The following DMXL1 variants were observed in gnomAD, a reference collection of about 807,000 sequenced individuals.
The protein encoded by DMXL1 is dmX-like protein 1.
A neutral mutation model predicts 319.2 loss-of-function variants in DMXL1; 99 were observed. The ratio of observed to expected loss-of-function variants is 0.31; its 90% CI spans 0.26 to 0.37. The LOEUF is 0.37. Ranked by LOEUF, DMXL1 falls within the 10% of genes least tolerant of loss-of-function variation. The pLI is 1.00. For missense variants in DMXL1, 3,745 were observed against 3,595.6 expected (o/e 1.04, Z -1.06); for synonymous variants, 1,385 against 1,235.2 (o/e 1.12, Z -2.54).
intron 25 of DMXL1, among the ~76,000 whole-genome samples, chr5:119,173,708 ATG>A (rs768405136): frequency 1.9e-4 from 23 of 123,292 alleles, no homozygotes; most frequent in East Asian, 9.5e-4. Flanking sequence ...GTATATATAT[ATG>A]TGTGTGTGTA....
Position 119,165,245 on chromosome 5 carries a change from A to C in DMXL1, c.4935A>C (p.Ala1645=). Residue 1645 remains alanine, a synonymous_variant, in exon 21 of 44, where the codon GCA becomes GCC. Coordinates refer to ENST00000539542, the MANE Select transcript of DMXL1 (RefSeq NM_001290321.3). ...TAGATGCTGCCATTTTTTACCTTGC[A>C]ATGAAAAAGAAAGCTGTGATTTGGG... ...DPLDAAIFYL[A]MKKKAVIWGL... is the part of the protein sequence containing the mutation. 1 of 1,604,918 alleles carries C rather than the reference A, an allele frequency of 6.2e-7. No individual in the cohort carries two copies. The highest frequency in any genetic ancestry group is 8.5e-7 in the Non-Finnish European group (1 of 1,176,008).
chr5:119,116,819 GTTAATACCCTACC>G (rs1440223631), intron 7 of DMXL1, among the ~76,000 whole-genome samples: 1 of 152,028 alleles, frequency 6.6e-6, no homozygotes, highest in Non-Finnish European at 1.5e-5. Context: ...GAGAGAGTAG[GTTAATACCCTACC>G]TTATTCTTCT....
At chr5:119,143,778 GTTAT>G (rs1047176925) in intron 13 of DMXL1, 59 bp from the exon 14 acceptor site, 18 of 1,102,942 alleles carry the variant, frequency 1.6e-5, no homozygotes, top group African/African-American at 1.3e-4. Flanking sequence ...TTGAAATTTT[GTTAT>G]TTACTCTTAT....
chr5:119,209,055 A>G (rs2150501429), intron 34 of DMXL1, among the ~76,000 whole-genome samples: 1 of 152,274 alleles, frequency 6.6e-6, no homozygotes, highest in East Asian at 1.9e-4. Context: ...CATTCTTGTT[A>G]TTTTGATGCT....
intron 1 of DMXL1, among the ~76,000 whole-genome samples, chr5:119,073,606 A>G (rs1161026831): frequency 6.6e-6 from 1 of 152,110 alleles, no homozygotes; most frequent in Non-Finnish European, 1.5e-5. Context: ...GTTCATTTCC[A>G]TTGAGTAGGA....
At chr5:119,091,535 A>T (rs1054353761) in intron 1 of DMXL1, among the ~76,000 whole-genome samples, 2 of 152,104 alleles carry the variant, frequency 1.3e-5, no homozygotes, top group African/African-American at 4.8e-5. Context: ...ATGCACACCT[A>T]TGTCTTTGCA....
intron 23 of DMXL1, among the ~76,000 whole-genome samples, chr5:119,169,712 A>G (rs945160079): frequency 3.3e-5 from 5 of 152,204 alleles, no homozygotes; most frequent in African/African-American, 4.8e-5. Flanking sequence ...GGAGATAGAG[A>G]TGATGTCCAA....
intron 31 of DMXL1, among the ~76,000 whole-genome samples, chr5:119,196,742 GGA>G (rs1561851187): frequency 6.6e-6 from 1 of 152,006 alleles, no homozygotes; most frequent in Non-Finnish European, 1.5e-5. Flanking sequence ...ATTTTACAAT[GGA>G]GAGAAAACTA....
At position 119,211,048 on chromosome 5, in the gene DMXL1, T is replaced by C. The variant is rs566426525; in HGVS notation, c.7926+4152T>C. On this transcript the variant is annotated intron_variant, in intron 34 of 43. Transcript: ENST00000539542. ...CTACTATTGAAATGATCATCCTTTT[T>C]TCTTTTTTAGTATGATAGGTTAAGG... is the stretch of plus-strand genomic sequence containing the variant. Among the ~76,000 whole-genome samples, 9 of 151,906 alleles carry C rather than the reference T, an allele frequency of 5.9e-5. No individual in the cohort carries two copies. The East Asian group carries it at 1.4e-3, about 23-fold the overall frequency.
In DMXL1 at chr5:119,133,940, T is replaced by C. The variant is rs778971060; in HGVS notation, c.2016T>C (p.Pro672=). The part of the protein sequence containing the change: ...RTPDVDNPEQ[P]FDALNIEECS... ...CAGATGTTGATAACCCAGAGCAACC[T>C]TTTGATGCTCTAAATATTGAAGAAT... is the stretch of plus-strand genomic sequence containing the variant. The change falls in exon 12 of 44, where the codon CCT becomes CCC. Residue 672 remains proline (P), a synonymous_variant. Transcript: ENST00000539542. 2 of 1,614,042 alleles carry C rather than the reference T, an allele frequency of 1.2e-6. No individual in the cohort carries two copies. Among genetic ancestry groups the C allele is most frequent in the African/African-American group, 2.7e-5 (2 of 74,932 alleles).
At chr5:119,084,820 C>A (rs374883967) in intron 1 of DMXL1, among the ~76,000 whole-genome samples, 2 of 149,844 alleles carry the variant, frequency 1.3e-5, no homozygotes, top group Non-Finnish European at 1.5e-5. Context: ...GCCAAGATCA[C>A]GCCATTGCAC....
intron 31 of DMXL1, among the ~76,000 whole-genome samples, chr5:119,197,018 T>C (rs1229622864): frequency 6.6e-6 from 1 of 152,188 alleles, no homozygotes; most frequent in Non-Finnish European, 1.5e-5. Context: ...TTAAGCATGT[T>C]ATTTAGATAT....
At chr5:119,157,348 T>C (rs1251717135) in intron 19 of DMXL1, among the ~76,000 whole-genome samples, 1 of 152,268 alleles carries the variant, frequency 6.6e-6, no homozygotes, top group East Asian at 1.9e-4. Flanking sequence ...TTGTTCATTT[T>C]TGCTTTTGTT....
intron 29 of DMXL1, 125 bp downstream of exon 29, chr5:119,190,011 A>G: frequency 1.2e-6 from 1 of 813,700 alleles, no homozygotes; most frequent in Non-Finnish European, 1.9e-6. Flanking sequence ...TTTCATTAGT[A>G]TCAGGCTACA....
At chr5:119,202,885 TTATATA>T (rs372719854) in intron 32 of DMXL1, among the ~76,000 whole-genome samples, 11 of 130,772 alleles carry the variant, frequency 8.4e-5, no homozygotes, top group African/African-American at 2.7e-4. Context: ...ATATATATTT[TTATATA>T]TATATATATA....
chr5:119,178,027 T>C lies in DMXL1; in HGVS notation c.6918T>C (p.Ser2306=). 1 of 1,610,264 alleles carries C rather than the reference T, an allele frequency of 6.2e-7. No homozygotes were observed. The highest frequency in any genetic ancestry group is 8.5e-7 in the Non-Finnish European group (1 of 1,177,826). The change falls in exon 28 of 44, where the codon TCT becomes TCC. Residue 2306 remains serine (S), a synonymous_variant. Coordinates refer to ENST00000539542, the MANE Select transcript of DMXL1 (RefSeq NM_001290321.3). ...GITCLIRLLN[S]SGEEAQSGLT... Reference sequence around the variant, plus strand: ...CTTGTCTAATTCGACTTTTGAATTCTTCTGGCGAGGAAGCCCAGTCAGGGC... The same window carrying C: ...CTTGTCTAATTCGACTTTTGAATTCCTCTGGCGAGGAAGCCCAGTCAGGGC...
intron 3 of DMXL1, 88 bp downstream of exon 3, chr5:119,102,094 G>A (rs1757404797): frequency 1.1e-5 from 9 of 797,972 alleles, no homozygotes; most frequent in South Asian, 1.7e-5. Flanking sequence ...TGAGTAAATC[G>A]GTATTACTTA....
rs1778390560 is a variant in DMXL1 at position 119,189,817 on chromosome 5, G to T, written c.7245G>T (p.Gln2415His). ...CCCCTTCCTCGGCACCAGTAAGCCA[G>T]GAGTCACTGGCGGTTAAAGAAAAGT... The part of the protein sequence containing the change: ...PLTPSSAPVS[Q>H]ESLAVKEKFI... Residue 2415 changes from glutamine to histidine, a missense_variant, in exon 29 of 44, where the codon CAG becomes CAT. By Grantham distance (24) the Gln-to-His change is conservative (BLOSUM62 0). Coordinates refer to ENST00000539542, the MANE Select transcript of DMXL1 (RefSeq NM_001290321.3). 1 of 1,613,994 alleles carries T rather than the reference G, an allele frequency of 6.2e-7. No individual in the cohort carries two copies. Among genetic ancestry groups the T allele is most frequent in the Non-Finnish European group, 8.5e-7 (1 of 1,179,990 alleles).
intron 38 of DMXL1, 66 bp from the exon 39 acceptor site, chr5:119,233,274 T>A: frequency 6.5e-7 from 1 of 1,527,954 alleles, no homozygotes; most frequent in Non-Finnish European, 8.9e-7. Context: ...TCACATAGGA[T>A]AAAGAAATAA....
Sources: gnomAD v4.1 joint callset for allele counts (sites outside exome capture counted in the v4.1 genomes callset) on GRCh38, gnomAD v4.1.1 for gene constraint, MANE v1.5 for transcripts, NCBI Gene and HGNC (gene_info 2026-07-23, HGNC 2026-07-21) for gene names.